The following GLRB variants were observed in gnomAD, a reference collection of about 807,000 sequenced individuals.
The protein encoded by GLRB is glycine receptor beta.
A neutral mutation model predicts 54.2 loss-of-function variants in GLRB; 33 were observed. That is an observed-to-expected ratio of 0.61 (90% confidence interval 0.46 to 0.81). The LOEUF is 0.81. GLRB is among the 40% of genes least tolerant of loss of function. The probability of loss-of-function intolerance (pLI) is 0.00; values close to 1 mark genes in which losing one functional copy is unlikely to be tolerated. For missense variants in GLRB, 572 were observed against 584.6 expected, an observed-to-expected ratio of 0.98 and a Z score of 0.22; for synonymous variants, 209 against 208.2, an observed-to-expected ratio of 1.00 and a Z score of -0.03.
intron 2 of GLRB, among the ~76,000 whole-genome samples, chr4:157,098,735 AG>A (rs1325642998): frequency 4.6e-5 from 7 of 151,884 alleles, no homozygotes; most frequent in African/African-American, 1.7e-4. Context: ...CCTCCCAAGC[AG>A]CTGGGATTAC....
chr4:157,128,583 C>G (rs1372758652), intron 4 of GLRB, among the ~76,000 whole-genome samples: 1 of 151,816 alleles, frequency 6.6e-6, no homozygotes, highest in Non-Finnish European at 1.5e-5. Context: ...CAGCAGGTCT[C>G]TATTCTTTAT....
intron 2 of GLRB, among the ~76,000 whole-genome samples, chr4:157,111,748 A>G (rs553164902): frequency 2.6e-4 from 39 of 152,044 alleles, no homozygotes; most frequent in African/African-American, 8.9e-4. Flanking sequence ...ACTTTTCAAT[A>G]GAGTCATATG....
intron 3 of GLRB, among the ~76,000 whole-genome samples, chr4:157,122,075 A>G (rs917919425): frequency 6.7e-6 from 1 of 150,092 alleles, no homozygotes; most frequent in South Asian, 2.1e-4. Flanking sequence ...TCTACAATTT[A>G]AGACATAATT....
intron 9 of GLRB, among the ~76,000 whole-genome samples, chr4:157,162,149 A>G (rs1332277930): frequency 1.3e-5 from 2 of 152,120 alleles, no homozygotes; most frequent in Non-Finnish European, 2.9e-5. Flanking sequence ...TGAATGCATC[A>G]CGTAGTTCTC....
At position 157,163,034 on chromosome 4, in the gene GLRB, G is replaced by A. The variant is rs1177129707; in HGVS notation, c.1198-7398G>A. ...GTTTACCTACTCAAGCTTCAGCAATGGCGGACACCCCTCCCCCAGCCTCGC... is the reference window on the plus strand; with the variant it reads ...GTTTACCTACTCAAGCTTCAGCAATAGCGGACACCCCTCCCCCAGCCTCGC... On this transcript the variant is annotated intron_variant, in intron 9 of 9. Transcript: ENST00000264428. Among the ~76,000 whole-genome samples, 2 of 152,148 alleles carry A rather than the reference G, an allele frequency of 1.3e-5. 1 individual carries two copies. The highest frequency in any genetic ancestry group is 2.9e-5 in the Non-Finnish European group (2 of 68,026).
chr4:157,139,637 A>G (rs1449961311), intron 7 of GLRB, among the ~76,000 whole-genome samples: 1 of 152,036 alleles, frequency 6.6e-6, no homozygotes, highest in Non-Finnish European at 1.5e-5. Context: ...AGGGTTTTAG[A>G]TACTGAATAT....
chr4:157,160,271 T>G (rs1737425546), intron 9 of GLRB, among the ~76,000 whole-genome samples: 1 of 152,130 alleles, frequency 6.6e-6, no homozygotes, highest in South Asian at 2.1e-4. Context: ...TTTTTCATCT[T>G]TTCAAAAAAC....
intron 2 of GLRB, among the ~76,000 whole-genome samples, chr4:157,099,391 C>T (rs1016309298): frequency 1.7e-4 from 25 of 150,520 alleles, no homozygotes; most frequent in Non-Finnish European, 3.4e-4. Context: ...GGCTGGAGTA[C>T]AGTGAAACAA....
chr4:157,144,009 A>T (rs756871798), intron 8 of GLRB, 50 bp downstream of exon 8: 10 of 1,533,442 alleles, frequency 6.5e-6, no homozygotes, highest in Non-Finnish European at 7.2e-6. Context: ...TTATATCTTT[A>T]TCTAACTTAC....
intron 8 of GLRB, among the ~76,000 whole-genome samples, chr4:157,150,844 A>T (rs542286407): frequency 3.3e-5 from 5 of 151,996 alleles, no homozygotes; most frequent in African/African-American, 1.2e-4. Flanking sequence ...GTCCTATCAT[A>T]ACGTAGGCCT....
intron 2 of GLRB, among the ~76,000 whole-genome samples, chr4:157,113,001 G>T (rs1735476846): frequency 6.6e-6 from 1 of 151,892 alleles, no homozygotes; most frequent in Admixed American, 6.6e-5. Flanking sequence ...CTCACAGAGG[G>T]TAAGTGCTTG....
At chr4:157,088,817 T>C (rs1202338557) in intron 2 of GLRB, among the ~76,000 whole-genome samples, 1 of 152,174 alleles carries the variant, frequency 6.6e-6, no homozygotes, top group African/African-American at 2.4e-5. Context: ...CCTAAGTGCT[T>C]ACAAACATAT....
chr4:157,110,679 T>C (rs1188812628), intron 2 of GLRB, among the ~76,000 whole-genome samples: 2 of 152,086 alleles, frequency 1.3e-5, no homozygotes, highest in African/African-American at 4.8e-5. Context: ...TTTGCCTGTT[T>C]CTTTATTTTT....
rs193092361 is a variant in GLRB, at chr4:157,077,739, A to G, written c.-29-257A>G. On this transcript the variant is annotated intron_variant, in intron 1 of 9. Coordinates refer to ENST00000264428, the MANE Select transcript of GLRB (RefSeq NM_000824.5). ...CAGAAATTTTATACAGTAACCTATTATATCTCGTTGGCGGTCTTGTTTTCT... is the reference window on the plus strand; with the variant it reads ...CAGAAATTTTATACAGTAACCTATTGTATCTCGTTGGCGGTCTTGTTTTCT... Among the ~76,000 whole-genome samples, 10 of 150,838 alleles carry G rather than the reference A, an allele frequency of 6.6e-5. No individual in the cohort carries two copies. The Admixed American group carries it at 6.6e-4, about 10-fold the overall frequency.
chr4:157,096,576 C>T lies in GLRB; in HGVS notation c.122+18430C>T, dbSNP rs529584789. On this transcript the variant is annotated intron_variant, in intron 2 of 9. Coordinates refer to ENST00000264428, the MANE Select transcript of GLRB (RefSeq NM_000824.5). ...TCCAGATGCCACCACATTTATATTA[C>T]GAGGTGGCAGTTTATCCCTCAGAAT... Among the ~76,000 whole-genome samples the T allele has an allele frequency of 2.4e-3, 360 of 152,310 alleles. 1 individual carries two copies. The highest frequency in any genetic ancestry group is 0.01 in the Middle Eastern group (3 of 294).
chr4:157,147,469 G>A (rs1579239498), intron 8 of GLRB, among the ~76,000 whole-genome samples: 2 of 152,106 alleles, frequency 1.3e-5, no homozygotes, highest in African/African-American at 4.8e-5. Flanking sequence ...GAAGATGAGG[G>A]GGGGATTGGA....
intron 8 of GLRB, among the ~76,000 whole-genome samples, chr4:157,148,872 C>A (rs1461939689): frequency 6.6e-6 from 1 of 151,970 alleles, no homozygotes; most frequent in Non-Finnish European, 1.5e-5. Flanking sequence ...CTGTTGAAAT[C>A]TTTTATCTCT....
chr4:157,133,008 C>G (rs909381805), intron 4 of GLRB, among the ~76,000 whole-genome samples: 1 of 151,690 alleles, frequency 6.6e-6, no homozygotes, highest in Non-Finnish European at 1.5e-5. Context: ...TTAGTACATA[C>G]AAAAAATGCC....
chr4:157,096,292 G>A (rs1026573492), intron 2 of GLRB, among the ~76,000 whole-genome samples: 1 of 152,160 alleles, frequency 6.6e-6, no homozygotes, highest in Non-Finnish European at 1.5e-5. Context: ...TTAAGGAAGT[G>A]CTAATTTTAG....
Sources: allele counts gnomAD v4.1 joint callset (sites outside exome capture counted in the v4.1 genomes callset), GRCh38; gene constraint gnomAD v4.1.1; transcripts MANE v1.5; gene names NCBI Gene and HGNC (gene_info 2026-07-23, HGNC 2026-07-21).